Variants in STYX observed in about 807,000 individuals in gnomAD.
STYX encodes serine/threonine/tyrosine interacting protein.
A neutral mutation model predicts 42.7 loss-of-function variants in STYX; 20 were observed. The ratio of observed to expected loss-of-function variants is 0.47; its 90% CI spans 0.33 to 0.68. The LOEUF (loss-of-function observed/expected upper bound fraction) is 0.68, where lower values mean the gene tolerates loss of function less well. STYX is among the 30% of genes least tolerant of loss of function. STYX has a pLI of 0.02. For missense variants in STYX, 226 were observed against 268.5 expected, an observed-to-expected ratio of 0.84 and a Z score of 1.11; for synonymous variants, 78 against 81.9, an observed-to-expected ratio of 0.95 and a Z score of 0.26.
chr14:52,754,344 C>G (rs1381905561), intron 4 of STYX, among the ~76,000 whole-genome samples: 1 of 151,302 alleles, frequency 6.6e-6, no homozygotes, highest in Non-Finnish European at 1.5e-5. Context: ...TTCCAAGTAG[C>G]TGGGACTACA....
intron 9 of STYX, among the ~76,000 whole-genome samples, chr14:52,768,190 G>T (rs998444933): frequency 6.6e-6 from 1 of 151,762 alleles, no homozygotes; most frequent in Admixed American, 6.6e-5. Context: ...TATTTTTTTT[G>T]AAAATTTTAT....
At position 52,755,755 on chromosome 14, in the gene STYX, T is replaced by C. The variant is rs562524059; in HGVS notation, c.243-796T>C. 4.0e-5 allele frequency among the ~76,000 whole-genome samples: 6 copies of C among 149,280 alleles called. No individual in the cohort carries two copies. In the South Asian group the frequency reaches 1.3e-3, roughly 33 times the overall value. On this transcript the variant is annotated intron_variant, in intron 4 of 10. Transcript: ENST00000354586. Reference sequence around the variant, plus strand: ...AGTGAATGTTTGACTCCTGGTTCCATAGACCATACCTTCCGTTTTTATTTG... The same window carrying C: ...AGTGAATGTTTGACTCCTGGTTCCACAGACCATACCTTCCGTTTTTATTTG...
chr14:52,769,607 G>A (rs1882437580), intron 10 of STYX, among the ~76,000 whole-genome samples: 1 of 152,088 alleles, frequency 6.6e-6, no homozygotes, highest in South Asian at 2.1e-4. Flanking sequence ...TAATATGACT[G>A]TATATTCATC....
At chr14:52,762,279 C>T (rs1021073173) in intron 9 of STYX, among the ~76,000 whole-genome samples, 3 of 152,088 alleles carry the variant, frequency 2.0e-5, no homozygotes, top group African/African-American at 4.8e-5. Context: ...TATAGCCTAC[C>T]GATTTGAAAT....
At position 52,771,091 on chromosome 14, in the gene STYX, T is replaced by C. The variant is rs750633829; in HGVS notation, c.657T>C (p.Thr219=). Residue 219 remains threonine, a synonymous_variant, in exon 11 of 11, where the codon ACT becomes ACC. Coordinates refer to ENST00000354586, the MANE Select transcript of STYX (RefSeq NM_145251.4). ...ATTTTGGAACCATGCAAGTGGCGAC[T>C]GCACAGAATGGCTGACTTGAAGAGC... ...EDDFGTMQVA[T]AQNG The C allele has an allele frequency of 6.2e-7, 1 of 1,610,364 alleles. No homozygotes were observed. The highest frequency in any genetic ancestry group is 1.7e-5 in the Admixed American group (1 of 59,758).
chr14:52,743,442 G>A (rs533075476), intron 1 of STYX, among the ~76,000 whole-genome samples: 8 of 152,044 alleles, frequency 5.3e-5, no homozygotes, highest in South Asian at 4.2e-4. Context: ...AAATTATGGC[G>A]TGGTGGTGGG....
intron 1 of STYX, among the ~76,000 whole-genome samples, chr14:52,739,869 C>T (rs573256899): frequency 9.9e-5 from 15 of 152,036 alleles, no homozygotes; most frequent in South Asian, 2.1e-4. Flanking sequence ...GTCTTGAACT[C>T]GGGCTCAAGC....
At chr14:52,730,654 C>T in intron 1 of STYX, 123 bp downstream of exon 1, 3 of 1,076,858 alleles carry the variant, frequency 2.8e-6, no homozygotes, top group South Asian at 1.5e-5. Context: ...AAGGGCGTCC[C>T]GGGACCTCTG....
intron 9 of STYX, among the ~76,000 whole-genome samples, chr14:52,762,040 C>T (rs1313709990): frequency 7.3e-5 from 11 of 150,890 alleles, no homozygotes; most frequent in East Asian, 2.0e-4. Flanking sequence ...AGCAAGACTT[C>T]GTCACAAAAG....
At chr14:52,738,557 T>G (rs1032723148) in intron 1 of STYX, among the ~76,000 whole-genome samples, 2 of 152,248 alleles carry the variant, frequency 1.3e-5, no homozygotes, top group Non-Finnish European at 1.5e-5. Flanking sequence ...ATTTTTTTGA[T>G]AAAATTGATA....
At chr14:52,744,770 T>C in intron 1 of STYX, 82 bp from the exon 2 acceptor site, 1 of 1,292,814 alleles carries the variant, frequency 7.7e-7, no homozygotes, top group Non-Finnish European at 1.1e-6. Context: ...AAAATCTACA[T>C]ACTTGTGTGT....
At chr14:52,770,983 A>G (rs1271221286) in intron 10 of STYX, 50 bp from the exon 11 acceptor site, 16 of 1,571,094 alleles carry the variant, frequency 1.0e-5, no homozygotes, top group Non-Finnish European at 1.3e-5. Context: ...GTAACCTTTT[A>G]ACATGAATTT....
At chr14:52,767,485 T>C (rs1882351974) in intron 9 of STYX, among the ~76,000 whole-genome samples, 1 of 152,154 alleles carries the variant, frequency 6.6e-6, no homozygotes. Context: ...TGTTTTTGTT[T>C]TGTTTTGTTT....
At chr14:52,756,496 A>G in intron 4 of STYX, 55 bp from the exon 5 acceptor site, 1 of 999,042 alleles carries the variant, frequency 1.0e-6, no homozygotes, top group Non-Finnish European at 1.5e-6. Context: ...ATTTTTTTAA[A>G]GTACCTTAAG....
intron 1 of STYX, among the ~76,000 whole-genome samples, chr14:52,742,022 A>G (rs2139889144): frequency 6.6e-6 from 1 of 152,268 alleles, no homozygotes; most frequent in South Asian, 2.1e-4. Context: ...GTGTTTTTCT[A>G]GAGAATATGC....
chr14:52,741,226 A>ATT (rs201773174), intron 1 of STYX, among the ~76,000 whole-genome samples: 31 of 101,442 alleles, frequency 3.1e-4, no homozygotes, highest in Non-Finnish European at 4.2e-4. Flanking sequence ...ATATATATAT[A>ATT]TATATTTTTT....
chr14:52,742,619 T>C (rs2139889897), intron 1 of STYX, among the ~76,000 whole-genome samples: 1 of 152,326 alleles, frequency 6.6e-6, no homozygotes, highest in Non-Finnish European at 1.5e-5. Context: ...CATTTCAGTG[T>C]GCTGAGCAGA....
rs186185807 is a variant in STYX at position 52,757,011 on chromosome 14, G to A, written c.304-308G>A. Among the ~76,000 whole-genome samples, 4 of 152,140 alleles carry A rather than the reference G, an allele frequency of 2.6e-5. No homozygotes were observed. In the East Asian group the frequency reaches 5.8e-4, roughly 22 times the overall value. On this transcript the variant is annotated intron_variant, in intron 5 of 10. Coordinates refer to ENST00000354586, the MANE Select transcript of STYX (RefSeq NM_145251.4). ...CCCTTTAATTGTGCTTGTAAAGCTT[G>A]CTACTTTTACTTTGCTATGACTGAA... is the stretch of plus-strand genomic sequence containing the variant.
chr14:52,760,226 T>TC (rs143735098), intron 9 of STYX, among the ~76,000 whole-genome samples: 3,560 of 152,174 alleles, frequency 0.023, 149 homozygotes, highest in African/African-American at 0.082. Context: ...AACTTTTTTT[T>TC]CTTAAAGGCT....
Sources: gnomAD v4.1 joint callset for allele counts (sites outside exome capture counted in the v4.1 genomes callset) on GRCh38, gnomAD v4.1.1 for gene constraint, MANE v1.5 for transcripts, NCBI Gene and HGNC (gene_info 2026-07-23, HGNC 2026-07-21) for gene names.